Variants in ADCY7 observed in about 807,000 individuals in gnomAD.
ADCY7 encodes the protein adenylate cyclase type 7.
A neutral mutation model predicts 120.6 loss-of-function variants in ADCY7; 72 were observed. The ratio of observed to expected loss-of-function variants is 0.60; its 90% CI spans 0.49 to 0.73. ADCY7 has a LOEUF of 0.73. Among genes scored for constraint, ADCY7 ranks in the 30% least tolerant of loss-of-function variants. The pLI is 0.00. For synonymous variants in ADCY7, 661 were observed against 628.0 expected, an observed-to-expected ratio of 1.05 and a Z score of -0.78; for missense variants, 1,227 against 1,486.0, an observed-to-expected ratio of 0.83 and a Z score of 2.87.
intron 1 of ADCY7, among the ~76,000 whole-genome samples, chr16:50,274,686 G>A (rs1256748076): frequency 2.0e-5 from 3 of 152,138 alleles, no homozygotes; most frequent in African/African-American, 4.8e-5. Flanking sequence ...CAGGCTTGCT[G>A]TTGGGACAGG....
chr16:50,300,860 G>GC lies in ADCY7; in HGVS notation c.1224dup (p.Gly409ArgfsTer96), dbSNP rs2035668674. 6.4e-7 allele frequency: 1 copy of GC among 1,557,084 alleles called. No individual in the cohort carries two copies. The highest frequency in any genetic ancestry group is 8.7e-7 in the Non-Finnish European group (1 of 1,150,226). ...GTCCCTGGCCAACCGGATGGAGGCA[G>GC]CCGGAGTACCCGGGTGAGGCTGGGC... On this transcript the variant is annotated frameshift_variant, in exon 9 of 26. Transcript: ENST00000673801. LOFTEE classifies it high-confidence loss of function.
At chr16:50,268,275 T>C (rs1027283463) in intron 1 of ADCY7, among the ~76,000 whole-genome samples, 1 of 152,086 alleles carries the variant, frequency 6.6e-6, no homozygotes, top group Admixed American at 6.5e-5. Context: ...AATTTTTGTA[T>C]TTTTAGTAAA....
chr16:50,312,919 CTG>C lies in ADCY7; in HGVS notation c.2638_2639del (p.Val880HisfsTer30). On this transcript the variant is annotated frameshift_variant, in exon 22 of 26. Transcript: ENST00000673801. LOFTEE classifies it high-confidence loss of function. ...DWYHQSYDCV[C>X]VMFASVPDFK... The stretch of plus-strand genomic sequence containing the variant: ...GGTACCATCAGTCCTATGACTGCGT[CTG>C]TGTCATGTTTGCCTCCGTGCCGGAC... 1 of 1,614,222 alleles carries C rather than the reference CTG, an allele frequency of 6.2e-7. No homozygotes were observed. The highest frequency in any genetic ancestry group is 8.5e-7 in the Non-Finnish European group (1 of 1,180,036).
chr16:50,305,577 G>A lies in ADCY7; in HGVS notation c.1670G>A (p.Ser557Asn), dbSNP rs901497980. Reference protein sequence around the residue: ...DEMLSAIEGLSSTRPCCSKSD... With the variant: ...DEMLSAIEGLNSTRPCCSKSD... Reference sequence around the variant, plus strand: ...ATGCTGTCAGCCATTGAGGGGCTCAGCTCCACGAGGTGAGGTCTGAGACCT... The same window carrying A: ...ATGCTGTCAGCCATTGAGGGGCTCAACTCCACGAGGTGAGGTCTGAGACCT... Residue 557 changes from serine (S) to asparagine (N), a missense_variant, in exon 13 of 26, where the codon AGC (serine) becomes AAC (asparagine). Physicochemically the swap from Ser to Asn is conservative, Grantham distance 46. Transcript: ENST00000673801. The A allele has an allele frequency of 6.2e-7, 1 of 1,600,708 alleles. No individual in the cohort carries two copies. Among genetic ancestry groups the A allele is most frequent in the Non-Finnish European group, 8.5e-7 (1 of 1,172,328 alleles).
intron 1 of ADCY7, among the ~76,000 whole-genome samples, chr16:50,280,101 C>T (rs767887100): frequency 1.1e-4 from 16 of 152,092 alleles, no homozygotes; most frequent in Non-Finnish European, 2.1e-4. Flanking sequence ...CTATTTATTA[C>T]TAATTCAATT....
At chr16:50,312,237 C>T (rs1567583170) in intron 21 of ADCY7, 46 bp downstream of exon 21, 2 of 1,604,320 alleles carry the variant, frequency 1.2e-6, no homozygotes, top group Non-Finnish European at 1.7e-6. Context: ...GCGGACGGTC[C>T]AGGCGCAGTC....
chr16:50,303,284 C>T (rs1273083704), intron 10 of ADCY7, among the ~76,000 whole-genome samples: 6 of 152,264 alleles, frequency 3.9e-5, no homozygotes, highest in Admixed American at 2.0e-4. Flanking sequence ...ACGTGGCTCC[C>T]GTGGCTAGGC....
intron 10 of ADCY7, among the ~76,000 whole-genome samples, chr16:50,303,316 TAAAAATGTTTCTATCCCA>T (rs1410231655): frequency 6.6e-6 from 1 of 152,184 alleles, no homozygotes; most frequent in African/African-American, 2.4e-5. Flanking sequence ...GCTAAGGGCT[TAAAAATGTTTCTATCCCA>T]AAAGGAGGTG....
chr16:50,245,724 C>G (rs1394800166), upstream of ADCY7, among the ~76,000 whole-genome samples: 1 of 152,118 alleles, frequency 6.6e-6, no homozygotes, highest in Non-Finnish European at 1.5e-5. Context: ...GTGGATCCTT[C>G]CAGAAACACG....
rs542672488 is a variant in ADCY7, at chr16:50,298,769, G to A, written c.949-135G>A. The A allele has an allele frequency of 3.8e-5, 49 of 1,296,840 alleles. 1 individual carries two copies. The Admixed American group carries it at 7.7e-4, about 20-fold the overall frequency. The allele number at this position is 1,296,840 out of a possible 1,614,324, so 80.3% of individuals were successfully genotyped here. On this transcript the variant is annotated intron_variant, in intron 7 of 25. Coordinates refer to ENST00000673801, the MANE Select transcript of ADCY7 (RefSeq NM_001114.5). Reference sequence around the variant, plus strand: ...TTTGCCAGGCCCAGAAGTGGCTCCTGGTGACTGGACCCCAGGAGGCAAGCC... The same window carrying A: ...TTTGCCAGGCCCAGAAGTGGCTCCTAGTGACTGGACCCCAGGAGGCAAGCC...
Position 50,292,825 on chromosome 16 carries a change from G to T in ADCY7, c.687G>T (p.Gln229His). 6.2e-7 allele frequency: 1 copy of T among 1,612,868 alleles called. No homozygotes were observed. Among genetic ancestry groups the T allele is most frequent in the Non-Finnish European group, 8.5e-7 (1 of 1,179,856 alleles). The change falls in exon 5 of 26, where the codon CAG becomes CAT. Residue 229 changes from glutamine to histidine, a missense_variant and splice_region_variant. Coordinates refer to ENST00000673801, the MANE Select transcript of ADCY7 (RefSeq NM_001114.5). The part of the protein sequence containing the change: ...RRKLRIEKRQ[Q>H]ENLLLSVLPA... ...AGCTGCGCATCGAGAAGCGCCAGCAGGTGGGACCCGGCCCCCACTCCTCAC... is the reference window on the plus strand; with the variant it reads ...AGCTGCGCATCGAGAAGCGCCAGCATGTGGGACCCGGCCCCCACTCCTCAC...
At chr16:50,248,743 A>C (rs912119723) in intron 1 of ADCY7, among the ~76,000 whole-genome samples, 1 of 152,174 alleles carries the variant, frequency 6.6e-6, no homozygotes, top group African/African-American at 2.4e-5. Context: ...GAATCTTAGA[A>C]TTGGGTTTGC....
chr16:50,315,037 G>C lies in ADCY7; in HGVS notation c.2995G>C (p.Ala999Pro). Reference sequence around the variant, plus strand: ...AGGCATAAACCATGGGCCTGTGATTGCTGGAGTGATTGGGGCCCGAAAACC... The same window carrying C: ...AGGCATAAACCATGGGCCTGTGATTCCTGGAGTGATTGGGGCCCGAAAACC... ...RVGINHGPVIAGVIGARKPQY... is the reference protein window; with the variant it reads ...RVGINHGPVIPGVIGARKPQY... Residue 999 changes from alanine to proline, a missense_variant, in exon 25 of 26, where the codon GCT (alanine) becomes CCT (proline). By Grantham distance (27) the Ala-to-Pro change is conservative (BLOSUM62 -1). Coordinates refer to ENST00000673801, the MANE Select transcript of ADCY7 (RefSeq NM_001114.5). The C allele has an allele frequency of 6.2e-7, 1 of 1,614,238 alleles. No homozygotes were observed. The highest frequency in any genetic ancestry group is 8.5e-7 in the Non-Finnish European group (1 of 1,180,034).
At position 50,301,202 on chromosome 16, in the gene ADCY7, C is replaced by T. The variant is rs2035697758; in HGVS notation, c.1356C>T (p.Val452=). ...LKEMNIRTYL[V]IDPRSQQPPP... ...AGATGAACATCCGCACCTACCTGGTCATCGACCCCCGGGTACGAGGGCTCA... is the reference window on the plus strand; with the variant it reads ...AGATGAACATCCGCACCTACCTGGTTATCGACCCCCGGGTACGAGGGCTCA... The change falls in exon 10 of 26, where the codon GTC becomes GTT. Residue 452 remains valine (V), a synonymous_variant. Coordinates refer to ENST00000673801, the MANE Select transcript of ADCY7 (RefSeq NM_001114.5). 6.3e-7 allele frequency: 1 copy of T among 1,597,426 alleles called. No individual in the cohort carries two copies.
intron 1 of ADCY7, among the ~76,000 whole-genome samples, chr16:50,249,817 C>T (rs1027753084): frequency 6.6e-6 from 1 of 152,216 alleles, no homozygotes; most frequent in Non-Finnish European, 1.5e-5. Context: ...GGGCAGCCTG[C>T]GGCCCAGCCC....
At chr16:50,292,040 ACGT>A in intron 4 of ADCY7, 143 bp downstream of exon 4, 1 of 976,812 alleles carries the variant, frequency 1.0e-6, no homozygotes, top group Non-Finnish European at 1.5e-6. Flanking sequence ...GGCCCTCTCC[ACGT>A]CTGCTCGGAA....
chr16:50,314,121 A>C, intron 23 of ADCY7, 59 bp downstream of exon 23: 1 of 1,539,242 alleles, frequency 6.5e-7, no homozygotes, highest in Non-Finnish European at 9.0e-7. Flanking sequence ...GTGACCTGTC[A>C]CCTTACTTAA....
In ADCY7 at chr16:50,305,522, C is replaced by T. The variant is rs768524618; in HGVS notation, c.1615C>T (p.Arg539Trp). The T allele has an allele frequency of 5.6e-6, 9 of 1,611,446 alleles. No homozygotes were observed. Among genetic ancestry groups the T allele is most frequent in the South Asian group, 1.1e-5 (1 of 90,676 alleles). ...TPDRSMSPKG[R>W]SEDDSYDDEM... is the part of the protein sequence containing the mutation. The stretch of plus-strand genomic sequence containing the variant: ...TTCCAGAAGCATGTCCCCCAAGGGG[C>T]GGTCGGAGGATGACTCGTACGATGA... The change falls in exon 13 of 26, where the codon CGG becomes TGG. Residue 539 changes from arginine to tryptophan, a missense_variant. Physicochemically the swap from Arg to Trp is moderately radical, Grantham distance 101 (BLOSUM62 -3). Around this residue, in one of 5 missense-constraint regions of ADCY7, gnomAD observed 332 missense variants for 455.8 expected, o/e 0.73. Transcript: ENST00000673801.
intron 1 of ADCY7, among the ~76,000 whole-genome samples, chr16:50,248,813 G>A (rs1352824376): frequency 6.6e-6 from 1 of 152,216 alleles, no homozygotes; most frequent in East Asian, 1.9e-4. Flanking sequence ...ACGTGGTGAG[G>A]TTCCAGGATT....
Sources: gnomAD v4.1 joint callset for allele counts (sites outside exome capture counted in the v4.1 genomes callset) on GRCh38, gnomAD v4.1.1 for gene constraint, gnomAD v4.1.1 regional missense constraint, MANE v1.5 for transcripts, NCBI Gene and HGNC (gene_info 2026-07-23, HGNC 2026-07-21) for gene names.